The following YTHDC1 variants were observed in gnomAD, a reference collection of about 807,000 sequenced individuals.
The protein encoded by YTHDC1 is YTH N6-methyladenosine RNA binding protein C1, also known as YTH domain-containing protein 1.
YTHDC1 carries 12 observed loss-of-function variants against 107.0 expected under a neutral mutation model. The ratio of observed to expected loss-of-function variants is 0.11; its 90% CI spans 0.07 to 0.18. YTHDC1 has a LOEUF of 0.18. YTHDC1 is among the 10% of genes least tolerant of loss of function. The pLI, the probability that YTHDC1 is intolerant of heterozygous loss-of-function variation, is 1.00. For missense variants in YTHDC1, 635 were observed against 898.8 expected (o/e 0.71, Z 3.75); for synonymous variants, 280 against 289.5 (o/e 0.97, Z 0.33).
At position 68,311,180 on chromosome 4, in the gene YTHDC1, C is replaced by G. The variant is rs1167502984; in HGVS notation, c.*2919G>C. On this transcript the variant is annotated 3_prime_UTR_variant, in exon 17 of 17. Transcript: ENST00000344157. The stretch of plus-strand genomic sequence containing the variant: ...TCCAAAACCAACATGGCTATTCAGT[C>G]CTTTTGGGGAACTGACATGGACACT... 1 of 152,068 alleles carries G rather than the reference C, an allele frequency of 6.6e-6. No individual in the cohort carries two copies. Among genetic ancestry groups the G allele is most frequent in the Non-Finnish European group, 1.5e-5 (1 of 68,024 alleles). The allele number at this position is 152,068 out of a possible 1,614,324, so 9.4% of individuals were successfully genotyped here. A position where few individuals can be genotyped will look rare whatever the true frequency, so the allele number is the denominator to read the frequency against.
At chr4:68,326,380 G>A (rs1722992030) in intron 9 of YTHDC1, among the ~76,000 whole-genome samples, 1 of 152,104 alleles carries the variant, frequency 6.6e-6, no homozygotes, top group Admixed American at 6.5e-5. Context: ...AAATTGCAGG[G>A]TCTGTGATCC....
At position 68,318,892 on chromosome 4, in the gene YTHDC1, C is replaced by A; in HGVS notation, c.1685-30G>T. 1.9e-6 allele frequency: 3 copies of A among 1,611,280 alleles called. No individual in the cohort carries two copies. The South Asian group carries it at 3.3e-5, about 18-fold the overall frequency. On this transcript the variant is annotated intron_variant, in intron 12 of 16. Coordinates refer to ENST00000344157, the MANE Select transcript of YTHDC1 (RefSeq NM_001031732.4). ...TCAAACATCAAGCATTTTAGTAAAT[C>A]AAATTTATATTTTTCTTTTATGGCA... is the stretch of plus-strand genomic sequence containing the variant.
intron 11 of YTHDC1, among the ~76,000 whole-genome samples, chr4:68,320,670 T>G (rs191814471): frequency 4.5e-4 from 68 of 152,240 alleles, no homozygotes; most frequent in African/African-American, 1.5e-3. Flanking sequence ...TCATTTTAGG[T>G]TAAGTCTAAA....
intron 16 of YTHDC1, among the ~76,000 whole-genome samples, chr4:68,315,681 A>G (rs1227765168): frequency 6.6e-6 from 1 of 152,190 alleles, no homozygotes; most frequent in Non-Finnish European, 1.5e-5. Context: ...CAGAAAACTC[A>G]AACTAAAACT....
intron 7 of YTHDC1, 34 bp downstream of exon 7, chr4:68,332,068 TA>T: frequency 5.0e-6 from 7 of 1,390,736 alleles, no homozygotes; most frequent in Non-Finnish European, 6.9e-6. Context: ...AAAATTTTGA[TA>T]TTAGGATAGT....
At chr4:68,342,022 A>G (rs1724859155) in intron 1 of YTHDC1, among the ~76,000 whole-genome samples, 1 of 152,322 alleles carries the variant, frequency 6.6e-6, no homozygotes, top group South Asian at 2.1e-4. Context: ...TATGTGATAT[A>G]TATAAAATCT....
At chr4:68,333,634 C>A (rs1368446453) in intron 4 of YTHDC1, among the ~76,000 whole-genome samples, 2 of 152,038 alleles carry the variant, frequency 1.3e-5, no homozygotes, top group Admixed American at 1.3e-4. Flanking sequence ...GAAATAACTA[C>A]AAAGTCAGGG....
In YTHDC1 at chr4:68,317,386, T is replaced by C. The variant is rs188792536; in HGVS notation, c.1825-938A>G. On this transcript the variant is annotated intron_variant, in intron 15 of 16. Transcript: ENST00000344157. ...GGGAAAAGTCTCATAATCATCTGCA[T>C]ATAATAGTATAAAACTGTATACCTT... Among the ~76,000 whole-genome samples, 441 of 152,296 alleles carry C rather than the reference T, an allele frequency of 2.9e-3. 2 individuals are homozygous for C. Among genetic ancestry groups the C allele is most frequent in the Non-Finnish European group, 4.6e-3 (313 of 68,006 alleles).
chr4:68,336,704 C>T (rs1394180482), intron 4 of YTHDC1, among the ~76,000 whole-genome samples: 3 of 152,174 alleles, frequency 2.0e-5, no homozygotes, highest in Non-Finnish European at 2.9e-5. Flanking sequence ...TCAAGTACAT[C>T]AGTGTTTAAA....
chr4:68,339,956 G>A (rs916882935), intron 1 of YTHDC1, among the ~76,000 whole-genome samples: 1 of 152,064 alleles, frequency 6.6e-6, no homozygotes, highest in African/African-American at 2.4e-5. Flanking sequence ...ATTTTAAAAT[G>A]TACTAATGCT....
At chr4:68,343,497 C>T (rs1047987304) in intron 1 of YTHDC1, among the ~76,000 whole-genome samples, 6 of 145,544 alleles carry the variant, frequency 4.1e-5, no homozygotes, top group Admixed American at 1.4e-4. Context: ...CCACCGTGCC[C>T]GGCCTTAAAA....
chr4:68,338,633 G>A (rs1724488305), intron 1 of YTHDC1, among the ~76,000 whole-genome samples: 1 of 152,204 alleles, frequency 6.6e-6, no homozygotes, highest in African/African-American at 2.4e-5. Flanking sequence ...GGCCAATCAC[G>A]TGACGCCAGG....
In YTHDC1 at chr4:68,312,854, A is replaced by C. The variant is rs895824345; in HGVS notation, c.*1245T>G. The C allele has an allele frequency of 5.3e-5, 8 of 152,222 alleles. 1 individual carries two copies. Among genetic ancestry groups the C allele is most frequent in the African/African-American group, 1.9e-4 (8 of 41,458 alleles). 9.4% of individuals were successfully genotyped at this position (152,222 alleles called of 1,614,324 possible). A position where few individuals can be genotyped will look rare whatever the true frequency, so the allele number is the denominator to read the frequency against. ...CCAGGTGTAACTCAAGAAAAAATTCAAAAAAATTATTTCATAAACTGTTTT... is the reference window on the plus strand; with the variant it reads ...CCAGGTGTAACTCAAGAAAAAATTCCAAAAAATTATTTCATAAACTGTTTT... On this transcript the variant is annotated 3_prime_UTR_variant, in exon 17 of 17. Transcript: ENST00000344157.
intron 4 of YTHDC1, 48 bp from the exon 5 acceptor site, chr4:68,333,445 G>A (rs1310036530): frequency 1.5e-6 from 2 of 1,360,064 alleles, no homozygotes; most frequent in African/African-American, 2.9e-5. Flanking sequence ...CAGAAACGAA[G>A]AGAAGTAATC....
chr4:68,324,464 C>G (rs780106063), intron 9 of YTHDC1, among the ~76,000 whole-genome samples: 2 of 152,136 alleles, frequency 1.3e-5, no homozygotes, highest in Admixed American at 6.5e-5. Flanking sequence ...GGCTTAAACC[C>G]CAGCCTGCTC....
rs191279883 is a variant in YTHDC1, at chr4:68,315,387, G to A, written c.1959+927C>T. Among the ~76,000 whole-genome samples the A allele has an allele frequency of 2.3e-3, 351 of 152,194 alleles. 4 individuals are homozygous for A. The highest frequency in any genetic ancestry group is 8.3e-3 in the African/African-American group (344 of 41,522). ...CAAAGATAGGCTAGAAAGCTGCTCT[G>A]ATTCTCACAAATAGGCCCACTCTTC... On this transcript the variant is annotated intron_variant, in intron 16 of 16. Transcript: ENST00000344157.
At position 68,337,914 on chromosome 4, in the gene YTHDC1, T is replaced by C. The variant is rs775714541; in HGVS notation, c.131-14A>G. On this transcript the variant is annotated splice_polypyrimidine_tract_variant and intron_variant, in intron 2 of 16. Coordinates refer to ENST00000344157, the MANE Select transcript of YTHDC1 (RefSeq NM_001031732.4). ...TTCTTTTTGATCCTTTAAAATACAA[T>C]GTAAAAAAAAAAAAAAGAAGTATTT... 4 of 1,571,608 alleles carry C rather than the reference T, an allele frequency of 2.5e-6. No individual in the cohort carries two copies. In the African/African-American group the frequency reaches 5.7e-5, roughly 23 times the overall value.
At chr4:68,326,466 C>A (rs891110218) in intron 9 of YTHDC1, among the ~76,000 whole-genome samples, 4 of 152,160 alleles carry the variant, frequency 2.6e-5, no homozygotes, top group Non-Finnish European at 4.4e-5. Flanking sequence ...ACCTTCTGAG[C>A]AGCTATGTTA....
rs116874470 is a variant in YTHDC1 at position 68,328,983 on chromosome 4, C to T, written c.1349+1019G>A. On this transcript the variant is annotated intron_variant, in intron 9 of 16. Transcript: ENST00000344157. ...AATATGGTATTATAGGTACCTCTTA[C>T]GAGTCCTACAGTCTTATGGGACAAG... is the stretch of plus-strand genomic sequence containing the variant. Among the ~76,000 whole-genome samples the T allele has an allele frequency of 1.9e-3, 284 of 152,298 alleles. 10 individuals are homozygous for T. In the East Asian group the frequency reaches 0.05, roughly 27 times the overall value.
Sources: allele counts gnomAD v4.1 joint callset (sites outside exome capture counted in the v4.1 genomes callset), GRCh38; gene constraint gnomAD v4.1.1; transcripts MANE v1.5; gene names NCBI Gene and HGNC (gene_info 2026-07-23, HGNC 2026-07-21).